Variants in FNDC7 observed in about 807,000 individuals in gnomAD.
The protein encoded by FNDC7 is fibronectin type III domain containing 7.
In FNDC7, 66 loss-of-function variants were observed where a neutral mutation model predicts 74.2. The ratio of observed to expected loss-of-function variants is 0.89; its 90% confidence interval spans 0.73 to 1.09. FNDC7 has a LOEUF of 1.09. Ranked by LOEUF, FNDC7 falls within the 50% of genes least tolerant of loss-of-function variation. The pLI is 0.00. For missense variants in FNDC7, 829 were observed against 893.4 expected (o/e 0.93, Z 0.92); for synonymous variants, 307 against 330.2 (o/e 0.93, Z 0.76).
intron 10 of FNDC7, among the ~76,000 whole-genome samples, chr1:108,736,116 G>T (rs1181540956): frequency 6.6e-6 from 1 of 152,174 alleles, no homozygotes; most frequent in African/African-American, 2.4e-5. Context: ...CCTGAACAGA[G>T]AAATTCTAGG....
At chr1:108,736,963 CTTTTTTTTTTTT>C (rs1173562405) in intron 10 of FNDC7, among the ~76,000 whole-genome samples, 1 of 99,408 alleles carries the variant, frequency 1.0e-5, no homozygotes, top group East Asian at 2.6e-4. Flanking sequence ...GCTTGGCATT[CTTTTTTTTTTTT>C]TTTTTTTTTT....
intron 11 of FNDC7, among the ~76,000 whole-genome samples, chr1:108,739,156 A>G (rs1661583808): frequency 6.6e-6 from 1 of 152,226 alleles, no homozygotes; most frequent in South Asian, 2.1e-4. Context: ...AAATTTAAAA[A>G]TGTTTGAAAA....
intron 2 of FNDC7, 86 bp downstream of exon 2, chr1:108,713,615 A>G: frequency 8.4e-7 from 1 of 1,194,274 alleles, no homozygotes; most frequent in Non-Finnish European, 1.2e-6. Flanking sequence ...TGAAATCTAA[A>G]GGCTATATGA....
At chr1:108,715,670 C>CGT (rs1034630229) in intron 2 of FNDC7, among the ~76,000 whole-genome samples, 1 of 68,090 alleles carries the variant, frequency 1.5e-5, no homozygotes, top group African/African-American at 4.5e-5. Flanking sequence ...CGTGCGCGCG[C>CGT]GCACACACAC....
In FNDC7 at chr1:108,733,414, T is replaced by C. The variant is rs1661439718; in HGVS notation, c.2022T>C (p.Ala674=). 6.2e-7 allele frequency: 1 copy of C among 1,614,174 alleles called. No individual in the cohort carries two copies. ...GCATTTTCACGTGCACCCCGAGTGCTGGCCTCAGTTTCTGTGATGTCACTG... is the reference window on the plus strand; with the variant it reads ...GCATTTTCACGTGCACCCCGAGTGCCGGCCTCAGTTTCTGTGATGTCACTG... ...SKGIFTCTPS[A]GLSFCDVTEI... The change falls in exon 10 of 13, where the codon GCT becomes GCC. Residue 674 remains alanine (A), a synonymous_variant. Transcript: ENST00000370017.
At position 108,725,802 on chromosome 1, in the gene FNDC7, G is replaced by A; in HGVS notation, c.909G>A (p.Leu303=). The A allele has an allele frequency of 6.2e-7, 1 of 1,614,144 alleles. No individual in the cohort carries two copies. The highest frequency in any genetic ancestry group is 2.2e-5 in the East Asian group (1 of 44,892). The stretch of plus-strand genomic sequence containing the variant: ...TCCAAGAAGATCCCCCTGGCCACCT[G>A]TCTGTGGCTTGGTCCAGTGTAGATC... The part of the protein sequence containing the change: ...VTIQEDPPGH[L]SVAWSSVDLG... The change falls in exon 6 of 13, where the codon CTG becomes CTA. Residue 303 remains leucine, a synonymous_variant. Transcript: ENST00000370017.
At position 108,733,501 on chromosome 1, in the gene FNDC7, G is replaced by A. The variant is rs1390905213; in HGVS notation, c.2109G>A (p.Lys703=). Residue 703 remains lysine (K), a synonymous_variant, in exon 10 of 13, where the codon AAG becomes AAA. Coordinates refer to ENST00000370017, the MANE Select transcript of FNDC7 (RefSeq NM_001144937.3). ...CACCAGTTGCTAAAACAGGATTGAA[G>A]CTTACTTTCTGTCCAAAAAAAATAT... The part of the protein sequence containing the change: ...MVSPVAKTGL[K]LTFCPKKIYS... 9.3e-6 allele frequency: 15 copies of A among 1,613,070 alleles called. No homozygotes were observed. The highest frequency in any genetic ancestry group is 1.1e-5 in the Non-Finnish European group (13 of 1,179,258).
chr1:108,734,045 A>G (rs2101088970), intron 10 of FNDC7, among the ~76,000 whole-genome samples: 1 of 152,322 alleles, frequency 6.6e-6, no homozygotes, highest in East Asian at 1.9e-4. Context: ...TTTAGAGATT[A>G]TCTTCTCTGT....
chr1:108,742,602 A>T lies in FNDC7; in HGVS notation c.*715A>T, dbSNP rs542509917. On this transcript the variant is annotated 3_prime_UTR_variant, in exon 13 of 13. Transcript: ENST00000370017. The stretch of plus-strand genomic sequence containing the variant: ...GAGAAGATGTCAAATGGAGAGCCTC[A>T]AACTGTGGCCGACTGACATGCGTGC... 3 of 152,160 alleles carry T rather than the reference A, an allele frequency of 2.0e-5. No homozygotes were observed. The highest frequency in any genetic ancestry group is 7.2e-5 in the African/African-American group (3 of 41,444). 9.4% of individuals were successfully genotyped at this position (152,160 alleles called of 1,614,324 possible).
intron 2 of FNDC7, among the ~76,000 whole-genome samples, chr1:108,716,039 C>T (rs984062644): frequency 4.6e-5 from 7 of 152,128 alleles, no homozygotes; most frequent in Admixed American, 2.0e-4. Context: ...GTGGAGCCCG[C>T]GGGCCCCATG....
Position 108,737,488 on chromosome 1 carries a change from A to G in FNDC7, c.2141-7A>G. 6.3e-7 allele frequency: 1 copy of G among 1,581,480 alleles called. No individual in the cohort carries two copies. The highest frequency in any genetic ancestry group is 8.6e-7 in the Non-Finnish European group (1 of 1,164,942). ...TTTTATTTTAAATGCTTGTGTTTTTATTACAGTAACTTGCTCTGGAAGTAC... is the reference window on the plus strand; with the variant it reads ...TTTTATTTTAAATGCTTGTGTTTTTGTTACAGTAACTTGCTCTGGAAGTAC... On this transcript the variant is annotated splice_region_variant and splice_polypyrimidine_tract_variant and intron_variant, in intron 10 of 12. Coordinates refer to ENST00000370017, the MANE Select transcript of FNDC7 (RefSeq NM_001144937.3).
In FNDC7 at chr1:108,732,290, C is replaced by T. The variant is rs371310603; in HGVS notation, c.1880-982C>T. Among the ~76,000 whole-genome samples, 18 of 132,674 alleles carry T rather than the reference C, an allele frequency of 1.4e-4. No homozygotes were observed. In the South Asian group the frequency reaches 1.4e-3, roughly 10 times the overall value. 87.0% of individuals were successfully genotyped at this position (132,674 alleles called of 152,430 possible). ...CGGAGAATGGCGTGAACCCGGGAGG[C>T]GGAGTTTGCAGTGAGCCGACCAGCC... is the stretch of plus-strand genomic sequence containing the variant. On this transcript the variant is annotated intron_variant, in intron 9 of 12. Transcript: ENST00000370017.
chr1:108,732,125 C>T (rs577645510), intron 9 of FNDC7, among the ~76,000 whole-genome samples: 150 of 151,974 alleles, frequency 9.9e-4, no homozygotes, highest in African/African-American at 3.5e-3. Context: ...TTTGGGAGGC[C>T]GAGGCAGGCG....
Position 108,741,919 on chromosome 1 carries a change from T to G in FNDC7, c.*38-6T>G. 1 of 1,053,374 alleles carries G rather than the reference T, an allele frequency of 9.5e-7. No individual in the cohort carries two copies. The highest frequency in any genetic ancestry group is 2.4e-5 in the East Asian group (1 of 41,286). The allele number at this position is 1,053,374 out of a possible 1,614,324, so 65.3% of individuals were successfully genotyped here. On this transcript the variant is annotated splice_polypyrimidine_tract_variant and splice_region_variant and intron_variant, in intron 12 of 12. Transcript: ENST00000370017. ...TGTTTAAAATGTTTTCCCATTTGTCTTGCAGAGTTGTCTCATTTGTTAGTG... is the reference window on the plus strand; with the variant it reads ...TGTTTAAAATGTTTTCCCATTTGTCGTGCAGAGTTGTCTCATTTGTTAGTG...
intron 10 of FNDC7, among the ~76,000 whole-genome samples, chr1:108,735,773 T>A (rs1405716007): frequency 1.4e-5 from 2 of 142,656 alleles, no homozygotes; most frequent in Admixed American, 1.4e-4. Flanking sequence ...TCCACTGTAC[T>A]GGACAGAGAA....
chr1:108,723,503 A>G (rs564455409), intron 5 of FNDC7, among the ~76,000 whole-genome samples: 15 of 152,278 alleles, frequency 9.9e-5, no homozygotes, highest in African/African-American at 3.6e-4. Context: ...AAAAAAAAAT[A>G]AAGCTATTCT....
At chr1:108,740,547 T>C (rs762693456) in intron 11 of FNDC7, among the ~76,000 whole-genome samples, 2 of 152,060 alleles carry the variant, frequency 1.3e-5, no homozygotes, top group Non-Finnish European at 1.5e-5. Context: ...AGGCTGGTCT[T>C]GAACTCCTAG....
chr1:108,722,200 A>G, intron 4 of FNDC7, 135 bp from the exon 5 acceptor site: 1 of 895,410 alleles, frequency 1.1e-6, no homozygotes. Flanking sequence ...CCTAAATCCC[A>G]ATTTTATGCT....
intron 9 of FNDC7, among the ~76,000 whole-genome samples, chr1:108,732,444 C>T (rs1661409380): frequency 6.6e-6 from 1 of 151,782 alleles, no homozygotes; most frequent in Non-Finnish European, 1.5e-5. Flanking sequence ...CCTAAAGTGT[C>T]ATACTACTCA....
Sources: allele counts gnomAD v4.1 joint callset (sites outside exome capture counted in the v4.1 genomes callset), GRCh38; gene constraint gnomAD v4.1.1; transcripts MANE v1.5; gene names NCBI Gene and HGNC (gene_info 2026-07-23, HGNC 2026-07-21).